The following PTGR1 variants were observed in gnomAD, a reference collection of about 807,000 sequenced individuals.
PTGR1 encodes 15-oxoprostaglandin 13-reductase.
PTGR1 carries 23 observed loss-of-function variants against 37.7 expected under a neutral mutation model. That is an observed-to-expected ratio of 0.61 (90% CI 0.44 to 0.86). The LOEUF is 0.86. Ranked by LOEUF, PTGR1 falls within the 40% of genes least tolerant of loss-of-function variation. The probability of loss-of-function intolerance (pLI) is 0.00; values close to 1 mark genes in which losing one functional copy is unlikely to be tolerated. For synonymous variants in PTGR1, 134 were observed against 140.0 expected (o/e 0.96, Z 0.30); for missense variants, 351 against 394.3 (o/e 0.89, Z 0.93).
downstream of PTGR1, among the ~76,000 whole-genome samples, chr9:111,561,175 G>GAA (rs1314215382): frequency 1.6e-5 from 2 of 126,842 alleles, no homozygotes; most frequent in Admixed American, 7.6e-5. Context: ...GAGAGAGAGA[G>GAA]AGAAAGAGAG....
At chr9:111,579,691 C>T (rs13296201) in intron 6 of PTGR1, among the ~76,000 whole-genome samples, 18,982 of 152,154 alleles carry the variant, frequency 0.12, 1,464 homozygotes, top group Non-Finnish European at 0.19. Flanking sequence ...CTCCTGGGCT[C>T]AAGTGATCCT....
At chr9:111,558,679 AGT>A (rs1828192030), downstream of PTGR1, among the ~76,000 whole-genome samples, 2 of 152,202 alleles carry the variant, frequency 1.3e-5, no homozygotes, top group Admixed American at 6.5e-5. Flanking sequence ...AGGCCCTCTT[AGT>A]GGGCAGAGTT....
At chr9:111,593,508 C>T (rs1010919905) in intron 3 of PTGR1, among the ~76,000 whole-genome samples, 1 of 152,150 alleles carries the variant, frequency 6.6e-6, no homozygotes, top group Non-Finnish European at 1.5e-5. Context: ...ATTTCCTCCC[C>T]TCCCTGAGTT....
chr9:111,559,584 CCACA>C (rs149722704), downstream of PTGR1, among the ~76,000 whole-genome samples: 9,881 of 151,656 alleles, frequency 0.065, 418 homozygotes, highest in African/African-American at 0.11. Context: ...TCACCAGTGT[CCACA>C]CACACACACT....
At chr9:111,582,852 C>A (rs1256925582) in intron 6 of PTGR1, among the ~76,000 whole-genome samples, 2 of 152,238 alleles carry the variant, frequency 1.3e-5, no homozygotes, top group Non-Finnish European at 2.9e-5. Flanking sequence ...TGCATCCCAG[C>A]CTTGGGCAAA....
intron 9 of PTGR1, among the ~76,000 whole-genome samples, chr9:111,566,332 A>G (rs1160398082): frequency 2.6e-5 from 4 of 152,206 alleles, no homozygotes; most frequent in Admixed American, 2.6e-4. Context: ...GATGGGTTAC[A>G]TTAGATTTCA....
intron 4 of PTGR1, among the ~76,000 whole-genome samples, chr9:111,590,279 T>A (rs1376723864): frequency 6.6e-6 from 1 of 152,214 alleles, no homozygotes; most frequent in Non-Finnish European, 1.5e-5. Flanking sequence ...TAAAGTATCA[T>A]TATATTTATC....
intron 8 of PTGR1, among the ~76,000 whole-genome samples, chr9:111,572,976 C>T (rs971883117): frequency 1.3e-5 from 2 of 152,138 alleles, no homozygotes; most frequent in Admixed American, 6.5e-5. Flanking sequence ...TGGAGGAAAT[C>T]ATTGCTTGCC....
chr9:111,551,982 T>C (rs1589282359), intron 9 of PTGR1, among the ~76,000 whole-genome samples: 1 of 152,356 alleles, frequency 6.6e-6, no homozygotes, highest in East Asian at 1.9e-4. Flanking sequence ...ATGTGAGTTA[T>C]TCTGTTTTAT....
At chr9:111,554,899 C>CT (rs1828077072) in intron 9 of PTGR1, among the ~76,000 whole-genome samples, 1 of 152,176 alleles carries the variant, frequency 6.6e-6, no homozygotes, top group African/African-American at 2.4e-5. Flanking sequence ...GAGTTAGATG[C>CT]TTTGAGTGTG....
chr9:111,575,285 G>C (rs1829010694), intron 7 of PTGR1: 1 of 152,440 alleles, frequency 6.6e-6, no homozygotes, highest in Non-Finnish European at 1.5e-5. Flanking sequence ...CTGGGCAAGA[G>C]AGCAAGACTC....
intron 8 of PTGR1, among the ~76,000 whole-genome samples, chr9:111,573,590 G>T (rs79558846): frequency 3.3e-5 from 5 of 152,028 alleles, no homozygotes; most frequent in Non-Finnish European, 7.4e-5. Flanking sequence ...TTTGGGGGGG[G>T]ACCATAGGTA....
chr9:111,572,052 C>G (rs1828841909), intron 8 of PTGR1, among the ~76,000 whole-genome samples: 1 of 152,170 alleles, frequency 6.6e-6, no homozygotes. Context: ...GGAAGTCAGG[C>G]GAAGATGCCT....
chr9:111,570,078 C>T lies in PTGR1; in HGVS notation c.879+13G>A, dbSNP rs200440887. 2.3e-4 allele frequency: 364 copies of T among 1,613,876 alleles called. 1 individual carries two copies. In the Middle Eastern group the frequency reaches 3.8e-3, roughly 17 times the overall value. On this transcript the variant is annotated intron_variant, in intron 9 of 9. Transcript: ENST00000407693. ...AGTGTACAATTGGAAGGGGTGGCTC[C>T]GGAGCTCCTTACCTCTAAGACCCAT...
At chr9:111,587,757 A>G (rs1829483148) in intron 4 of PTGR1, among the ~76,000 whole-genome samples, 1 of 152,090 alleles carries the variant, frequency 6.6e-6, no homozygotes, top group Admixed American at 6.6e-5. Context: ...GATGTATTAT[A>G]CATATTTACA....
In PTGR1 at chr9:111,592,986, C is replaced by CA. The variant is rs58142522; in HGVS notation, c.153-5dup. The CA allele has an allele frequency of 3.4e-3, 3,297 of 959,416 alleles. 12 individuals are homozygous for CA. The highest frequency in any genetic ancestry group is 3.9e-3 in the African/African-American group (117 of 29,968). 59.4% of individuals were successfully genotyped at this position (959,416 alleles called of 1,614,324 possible). ...CTTCAATCTTTTGGCTGCCACTCTG[C>CA]AAAAAAAAAAAAAAAAAAAAAAAAA... On this transcript the variant is annotated splice_polypyrimidine_tract_variant and splice_region_variant and intron_variant, in intron 3 of 9. Coordinates refer to ENST00000407693, the MANE Select transcript of PTGR1 (RefSeq NM_001146108.2).
chr9:111,551,303 A>G (rs1827935248), intron 9 of PTGR1, among the ~76,000 whole-genome samples: 1 of 151,478 alleles, frequency 6.6e-6, no homozygotes, highest in Non-Finnish European at 1.5e-5. Context: ...TAAAACGTAG[A>G]GTTGATAAGT....
In PTGR1 at chr9:111,597,239, T is replaced by C; in HGVS notation, c.106+78A>G. The C allele has an allele frequency of 2.7e-6, 3 of 1,111,868 alleles. No homozygotes were observed. The South Asian group carries it at 4.1e-5, about 15-fold the overall frequency. The allele number at this position is 1,111,868 out of a possible 1,614,324, so 68.9% of individuals were successfully genotyped here. ...CCGTTGTTGCTTAAAGTCACTAAACTTTGGGGTAGTTTGTTATGCAGCAAA... is the reference window on the plus strand; with the variant it reads ...CCGTTGTTGCTTAAAGTCACTAAACCTTGGGGTAGTTTGTTATGCAGCAAA... On this transcript the variant is annotated intron_variant, in intron 2 of 9. Transcript: ENST00000407693.
chr9:111,568,978 C>G (rs1828694168), intron 9 of PTGR1, among the ~76,000 whole-genome samples: 1 of 152,150 alleles, frequency 6.6e-6, no homozygotes, highest in Non-Finnish European at 1.5e-5. Context: ...AGAAAGACAT[C>G]AAAGATGACC....
Sources: allele counts gnomAD v4.1 joint callset (sites outside exome capture counted in the v4.1 genomes callset), GRCh38; gene constraint gnomAD v4.1.1; transcripts MANE v1.5; gene names NCBI Gene and HGNC (gene_info 2026-07-23, HGNC 2026-07-21).